The following KDM4C variants were observed in gnomAD, a reference collection of about 807,000 sequenced individuals.
The protein encoded by KDM4C is lysine-specific demethylase 4C.
A neutral mutation model predicts 129.3 loss-of-function variants in KDM4C; 81 were observed. The ratio of observed to expected loss-of-function variants is 0.63; its 90% CI spans 0.52 to 0.75. The LOEUF (loss-of-function observed/expected upper bound fraction) is 0.75. Ranked by LOEUF, KDM4C falls within the 30% of genes least tolerant of loss-of-function variation. The pLI is 0.00. For missense variants in KDM4C, 1,457 were observed against 1,304.0 expected, an observed-to-expected ratio of 1.12 and a Z score of -1.81; for synonymous variants, 573 against 456.1, an observed-to-expected ratio of 1.26 and a Z score of -3.26.
At chr9:6,884,220 G>T (rs889024433) in intron 6 of KDM4C, among the ~76,000 whole-genome samples, 1 of 152,144 alleles carries the variant, frequency 6.6e-6, no homozygotes, top group Admixed American at 6.5e-5. Flanking sequence ...ATCCATTCCT[G>T]AGTAACCACT....
intron 2 of KDM4C, among the ~76,000 whole-genome samples, chr9:6,795,192 G>T (rs1827489441): frequency 6.6e-6 from 1 of 152,170 alleles, no homozygotes; most frequent in Non-Finnish European, 1.5e-5. Flanking sequence ...GATAGTTGAG[G>T]AGAGAGCTTC....
intron 4 of KDM4C, among the ~76,000 whole-genome samples, chr9:6,822,629 G>A (rs1180077928): frequency 3.9e-5 from 6 of 152,138 alleles, no homozygotes; most frequent in Non-Finnish European, 8.8e-5. Flanking sequence ...CTGGTCTGCC[G>A]ATGAAGTTTT....
intron 12 of KDM4C, 127 bp from the exon 13 acceptor site, chr9:7,011,571 G>A: frequency 1.3e-6 from 1 of 796,744 alleles, no homozygotes. Context: ...GTATTTGAAA[G>A]ACAAAGTAGG....
intron 8 of KDM4C, among the ~76,000 whole-genome samples, chr9:6,936,215 T>C (rs2153498): frequency 0.078 from 11,897 of 152,238 alleles, 852 homozygotes; most frequent in East Asian, 0.23. Flanking sequence ...TCCAGCTGTT[T>C]GTATGTTTCG....
chr9:6,904,196 G>T (rs1206751597), intron 8 of KDM4C, among the ~76,000 whole-genome samples: 1 of 151,960 alleles, frequency 6.6e-6, no homozygotes, highest in African/African-American at 2.4e-5. Flanking sequence ...CTGACATTGT[G>T]CCACTGCACT....
chr9:7,096,783 C>T (rs971747987), intron 17 of KDM4C, among the ~76,000 whole-genome samples: 1 of 152,106 alleles, frequency 6.6e-6, no homozygotes, highest in Non-Finnish European at 1.5e-5. Context: ...TCTGGGTGGT[C>T]TGGTCTGTAG....
Position 7,165,234 on chromosome 9 carries a change from G to T in KDM4C, c.2782-4G>T, listed in dbSNP as rs759170071. 6.2e-7 allele frequency: 1 copy of T among 1,613,762 alleles called. No homozygotes were observed. Among genetic ancestry groups the T allele is most frequent in the South Asian group, 1.1e-5 (1 of 90,996 alleles). On this transcript the variant is annotated splice_polypyrimidine_tract_variant and splice_region_variant and intron_variant, in intron 19 of 21. Transcript: ENST00000381309. ...TGAAAAGCCTGTCTCTGTTTATTCT[G>T]CAGAGCCGAGACTGTCTGAAGCTGG... is the stretch of plus-strand genomic sequence containing the variant.
intron 12 of KDM4C, among the ~76,000 whole-genome samples, chr9:6,997,529 A>C (rs1204884135): frequency 6.6e-6 from 1 of 152,194 alleles, no homozygotes; most frequent in Non-Finnish European, 1.5e-5. Context: ...CTAAGTGAGA[A>C]ATTTAAAATG....
At chr9:7,083,370 A>T (rs1012972715) in intron 17 of KDM4C, among the ~76,000 whole-genome samples, 1 of 152,248 alleles carries the variant, frequency 6.6e-6, no homozygotes, top group African/African-American at 2.4e-5. Flanking sequence ...TGGATTAGAT[A>T]TATTCAGTGT....
intron 4 of KDM4C, among the ~76,000 whole-genome samples, chr9:6,819,252 A>T (rs1039431137): frequency 6.6e-6 from 1 of 152,202 alleles, no homozygotes; most frequent in Non-Finnish European, 1.5e-5. Context: ...TGTAAAGATG[A>T]GGTTGATGGA....
Position 6,995,919 on chromosome 9 carries a change from C to T in KDM4C, c.1786+5395C>T, listed in dbSNP as rs562889053. 5.9e-5 allele frequency among the ~76,000 whole-genome samples: 9 copies of T among 152,304 alleles called. No homozygotes were observed. The South Asian group carries it at 6.2e-4, about 11-fold the overall frequency. ...ATCTGACCTCGTGATCTGCCCACCT[C>T]GGCCTCCCAAAGTGCTGGGATTACA... On this transcript the variant is annotated intron_variant, in intron 12 of 21. Coordinates refer to ENST00000381309, the MANE Select transcript of KDM4C (RefSeq NM_015061.6).
intron 17 of KDM4C, among the ~76,000 whole-genome samples, chr9:7,091,620 T>G (rs970436253): frequency 6.6e-6 from 1 of 152,226 alleles, no homozygotes; most frequent in Non-Finnish European, 1.5e-5. Flanking sequence ...AACAAAATAC[T>G]TCAAAGTCCT....
At chr9:7,108,949 A>G (rs867410219) in intron 18 of KDM4C, among the ~76,000 whole-genome samples, 1 of 152,246 alleles carries the variant, frequency 6.6e-6, no homozygotes, top group Non-Finnish European at 1.5e-5. Flanking sequence ...TATTAATTGT[A>G]AAAGGGCAGG....
At chr9:6,734,007 T>G (rs541441706) in intron 1 of KDM4C, among the ~76,000 whole-genome samples, 3 of 152,278 alleles carry the variant, frequency 2.0e-5, no homozygotes, top group East Asian at 3.9e-4. Context: ...AAGGTCTTTA[T>G]GAGCTATATC....
At chr9:6,956,973 AGT>A (rs1829174457) in intron 8 of KDM4C, among the ~76,000 whole-genome samples, 3 of 152,118 alleles carry the variant, frequency 2.0e-5, no homozygotes, top group Admixed American at 6.6e-5. Context: ...CTGGTCAGGC[AGT>A]GTTAAGTTGC....
intron 17 of KDM4C, among the ~76,000 whole-genome samples, chr9:7,073,136 C>G (rs1034468840): frequency 6.6e-6 from 1 of 152,182 alleles, no homozygotes; most frequent in African/African-American, 2.4e-5. Flanking sequence ...ACATGGGACT[C>G]TCAGGGGTGG....
intron 5 of KDM4C, among the ~76,000 whole-genome samples, chr9:6,862,325 T>C (rs951424107): frequency 3.9e-5 from 6 of 152,234 alleles, no homozygotes; most frequent in Admixed American, 3.9e-4. Context: ...TGTTTGATTT[T>C]AACAGAAACA....
At chr9:7,133,551 A>G (rs1587808699) in intron 19 of KDM4C, among the ~76,000 whole-genome samples, 1 of 152,348 alleles carries the variant, frequency 6.6e-6, no homozygotes, top group East Asian at 1.9e-4. Context: ...CAAGTCGCAC[A>G]AAAGCTCCTC....
chr9:7,014,008 G>T lies in KDM4C; in HGVS notation c.2182+7G>T, dbSNP rs543868676. ...TGCGTACGGGTTCATGCAAGTAAATGGATCTATAATTCATCAATCACTGGC... is the reference window on the plus strand; with the variant it reads ...TGCGTACGGGTTCATGCAAGTAAATTGATCTATAATTCATCAATCACTGGC... On this transcript the variant is annotated splice_region_variant and intron_variant, in intron 14 of 21. Transcript: ENST00000381309. 4.5e-5 allele frequency: 72 copies of T among 1,605,522 alleles called. No homozygotes were observed. The highest frequency in any genetic ancestry group is 6.0e-5 in the Non-Finnish European group (71 of 1,174,972).
Sources: allele counts gnomAD v4.1 joint callset (sites outside exome capture counted in the v4.1 genomes callset), GRCh38; gene constraint gnomAD v4.1.1; transcripts MANE v1.5; gene names NCBI Gene and HGNC (gene_info 2026-07-23, HGNC 2026-07-21).